CNTN4: variants seen among roughly 807,000 people sequenced by gnomAD.
The protein encoded by CNTN4 is contactin 4, also known as contactin-4.
In CNTN4, 77 loss-of-function variants were observed where a neutral mutation model predicts 122.5. That is an observed-to-expected ratio of 0.63 (90% confidence interval 0.52 to 0.76). The LOEUF (loss-of-function observed/expected upper bound fraction) is 0.76. CNTN4 is among the 30% of genes least tolerant of loss of function. The pLI is 0.00. For synonymous variants in CNTN4, 512 were observed against 447.0 expected, an observed-to-expected ratio of 1.15 and a Z score of -1.83; for missense variants, 1,256 against 1,259.1, an observed-to-expected ratio of 1.00 and a Z score of 0.04.
chr3:2,556,944 AAG>A (rs1347816943), intron 3 of CNTN4, among the ~76,000 whole-genome samples: 7 of 152,148 alleles, frequency 4.6e-5, no homozygotes, highest in Admixed American at 4.6e-4. Flanking sequence ...GATGTAGTAA[AAG>A]AGGGGCTGGT....
intron 3 of CNTN4, among the ~76,000 whole-genome samples, chr3:2,344,667 AT>A (rs1391555002): frequency 6.6e-6 from 1 of 152,134 alleles, no homozygotes; most frequent in Non-Finnish European, 1.5e-5. Flanking sequence ...TATTCTAAAT[AT>A]TTTACTGACT....
At chr3:2,637,726 C>G (rs567447481) in intron 4 of CNTN4, among the ~76,000 whole-genome samples, 102 of 152,302 alleles carry the variant, frequency 6.7e-4, no homozygotes, top group African/African-American at 2.3e-3. Flanking sequence ...ATAGTTGTCA[C>G]CACGCATGTG....
At chr3:2,743,893 C>T (rs1246145914) in intron 5 of CNTN4, among the ~76,000 whole-genome samples, 2 of 152,128 alleles carry the variant, frequency 1.3e-5, no homozygotes, top group Admixed American at 1.3e-4. Flanking sequence ...TCGCTGCAGC[C>T]TCAATCTCCC....
At chr3:3,037,400 T>G in intron 18 of CNTN4, 72 bp downstream of exon 18, 1 of 1,599,078 alleles carries the variant, frequency 6.3e-7, no homozygotes, top group Non-Finnish European at 8.6e-7. Flanking sequence ...TTTGAATTCT[T>G]GCTGCTCTTC....
At chr3:2,857,043 A>G (rs1444063856) in intron 7 of CNTN4, among the ~76,000 whole-genome samples, 2 of 151,936 alleles carry the variant, frequency 1.3e-5, no homozygotes, top group Non-Finnish European at 2.9e-5. Flanking sequence ...GAGACAAAAA[A>G]CCTCTATGGA....
intron 4 of CNTN4, among the ~76,000 whole-genome samples, chr3:2,629,281 C>A (rs1310965119): frequency 1.3e-5 from 2 of 152,188 alleles, no homozygotes; most frequent in South Asian, 2.1e-4. Flanking sequence ...AGAAACCAAT[C>A]CTGTTGGCAC....
intron 1 of CNTN4, chr3:2,099,493 G>C (rs949590070): frequency 6.6e-6 from 1 of 152,534 alleles, no homozygotes; most frequent in Non-Finnish European, 1.5e-5. Context: ...GGAGTGGAGG[G>C]ACCTGGGACT....
intron 2 of CNTN4, among the ~76,000 whole-genome samples, chr3:2,322,474 A>C (rs2043305648): frequency 6.6e-6 from 1 of 152,180 alleles, no homozygotes; most frequent in South Asian, 2.1e-4. Flanking sequence ...TATCACATGT[A>C]AGGCACCCAG....
chr3:2,916,803 A>T (rs567128148), intron 12 of CNTN4, among the ~76,000 whole-genome samples: 1 of 150,150 alleles, frequency 6.7e-6, no homozygotes, highest in Non-Finnish European at 1.5e-5. Flanking sequence ...CCCACCTCCC[A>T]GACGGGGCCG....
chr3:2,776,274 CTTTTTTTT>C (rs10575193), intron 6 of CNTN4, among the ~76,000 whole-genome samples: 18 of 134,180 alleles, frequency 1.3e-4, no homozygotes, highest in African/African-American at 1.1e-4. Context: ...ATAAGTGTTT[CTTTTTTTT>C]TTTTTTTTTT....
intron 13 of CNTN4, among the ~76,000 whole-genome samples, chr3:2,972,186 T>G (rs953202939): frequency 2.6e-5 from 4 of 152,186 alleles, no homozygotes; most frequent in African/African-American, 9.6e-5. Flanking sequence ...AATCACTTAT[T>G]ATTCAGGTTA....
At chr3:2,737,063 C>T (rs2089164221) in intron 5 of CNTN4, among the ~76,000 whole-genome samples, 1 of 152,076 alleles carries the variant, frequency 6.6e-6, no homozygotes, top group African/African-American at 2.4e-5. Context: ...GGATTACAAG[C>T]ATGAGCCACT....
At chr3:2,172,546 T>C (rs759717400) in intron 2 of CNTN4, among the ~76,000 whole-genome samples, 18 of 152,092 alleles carry the variant, frequency 1.2e-4, no homozygotes, top group Non-Finnish European at 2.5e-4. Flanking sequence ...CTAAAAACGA[T>C]TGAAATAAAA....
intron 3 of CNTN4, among the ~76,000 whole-genome samples, chr3:2,565,857 CA>C (rs1330328010): frequency 1.3e-5 from 2 of 152,166 alleles, no homozygotes; most frequent in East Asian, 3.9e-4. Flanking sequence ...AGGAAACTCT[CA>C]ACTCTACAGA....
At chr3:2,926,565 A>G (rs2094475390) in intron 13 of CNTN4, among the ~76,000 whole-genome samples, 3 of 152,308 alleles carry the variant, frequency 2.0e-5, no homozygotes, top group South Asian at 2.1e-4. Flanking sequence ...TTTGTCACCT[A>G]TAAGACAGGA....
intron 13 of CNTN4, among the ~76,000 whole-genome samples, chr3:2,984,739 A>T (rs974943238): frequency 6.6e-6 from 1 of 152,176 alleles, no homozygotes; most frequent in Non-Finnish European, 1.5e-5. Context: ...TAAGTTATTA[A>T]TAGGTGTTTT....
chr3:2,656,339 A>G (rs943664922), intron 4 of CNTN4, among the ~76,000 whole-genome samples: 8 of 152,360 alleles, frequency 5.3e-5, no homozygotes, highest in Middle Eastern at 3.4e-3. Context: ...ACTTCTGCCC[A>G]TGCAAAAAGC....
intron 3 of CNTN4, among the ~76,000 whole-genome samples, chr3:2,526,779 C>G (rs1282190516): frequency 6.6e-6 from 1 of 151,940 alleles, no homozygotes; most frequent in Admixed American, 6.6e-5. Context: ...TACATCCATG[C>G]TTGGGAGGCA....
intron 14 of CNTN4, among the ~76,000 whole-genome samples, chr3:3,020,388 A>G (rs954058757): frequency 2.6e-5 from 4 of 152,238 alleles, no homozygotes; most frequent in African/African-American, 4.8e-5. Flanking sequence ...ACAACAATGC[A>G]CTAGCTTAAT....
Sources: gnomAD v4.1 joint callset for allele counts (sites outside exome capture counted in the v4.1 genomes callset) on GRCh38, gnomAD v4.1.1 for gene constraint, MANE v1.5 for transcripts, NCBI Gene and HGNC (gene_info 2026-07-23, HGNC 2026-07-21) for gene names.